NFKB1: variants seen among roughly 807,000 people sequenced by gnomAD.
NFKB1 encodes nuclear factor kappa B subunit 1, also known as nuclear factor NF-kappa-B p105 subunit.
Under a neutral mutation model 105.1 loss-of-function variants are expected in NFKB1, and 9 were observed. The ratio of observed to expected loss-of-function variants is 0.09; its 90% CI spans 0.05 to 0.15. The LOEUF is 0.15. Ranked by LOEUF, NFKB1 falls within the 10% of genes least tolerant of loss-of-function variation. NFKB1 has a pLI of 1.00. For missense variants in NFKB1, 830 were observed against 1,203.7 expected, an observed-to-expected ratio of 0.69 and a Z score of 4.59; for synonymous variants, 440 against 442.2, an observed-to-expected ratio of 1.00 and a Z score of 0.06.
In NFKB1 at chr4:102,564,577, T is replaced by G. The variant is rs554857257; in HGVS notation, c.259-2410T>G. Among the ~76,000 whole-genome samples, 3 of 152,318 alleles carry G rather than the reference T, an allele frequency of 2.0e-5. No homozygotes were observed. In the South Asian group the frequency reaches 6.2e-4, roughly 32 times the overall value. On this transcript the variant is annotated intron_variant, in intron 5 of 23. Coordinates refer to ENST00000226574, the MANE Select transcript of NFKB1 (RefSeq NM_003998.4). Reference sequence around the variant, plus strand: ...GTCACTGGCAGCATGTTCAGCTCCTTTACCTCAGGAATTACCCAGTTCCTC... The same window carrying G: ...GTCACTGGCAGCATGTTCAGCTCCTGTACCTCAGGAATTACCCAGTTCCTC...
intron 5 of NFKB1, among the ~76,000 whole-genome samples, chr4:102,564,440 G>A (rs1287266721): frequency 6.6e-6 from 1 of 152,076 alleles, no homozygotes; most frequent in East Asian, 1.9e-4. Flanking sequence ...TCAGTATTTT[G>A]GAAAGTCCAC....
intron 3 of NFKB1, among the ~76,000 whole-genome samples, chr4:102,530,907 A>AC (rs1344237424): frequency 7.2e-5 from 11 of 152,100 alleles, no homozygotes; most frequent in Admixed American, 7.2e-4. Context: ...TTCTGTCTTT[A>AC]CCCCTACAAA....
At position 102,606,706 on chromosome 4, in the gene NFKB1, C is replaced by G; in HGVS notation, c.1954+9C>G. ...CCACCCCAACGGGGACGGTAAGAGA[C>G]AATCACACATCATTGGTGTAACTTT... On this transcript the variant is annotated intron_variant, in intron 17 of 23. Transcript: ENST00000226574. 1 of 1,611,316 alleles carries G rather than the reference C, an allele frequency of 6.2e-7. No individual in the cohort carries two copies. The highest frequency in any genetic ancestry group is 8.5e-7 in the Non-Finnish European group (1 of 1,178,010).
intron 1 of NFKB1, among the ~76,000 whole-genome samples, chr4:102,521,560 T>A (rs1740573761): frequency 6.6e-6 from 1 of 152,220 alleles, no homozygotes; most frequent in South Asian, 2.1e-4. Context: ...GTTTTATTTT[T>A]TAAAATGAAA....
intron 1 of NFKB1, among the ~76,000 whole-genome samples, chr4:102,510,059 T>C (rs1739678427): frequency 6.6e-6 from 1 of 152,162 alleles, no homozygotes; most frequent in Non-Finnish European, 1.5e-5. Context: ...TGAATGCCTT[T>C]GCTTATGCCC....
chr4:102,544,569 G>A (rs1235575858), intron 5 of NFKB1, among the ~76,000 whole-genome samples: 2 of 152,136 alleles, frequency 1.3e-5, no homozygotes, highest in Non-Finnish European at 2.9e-5. Flanking sequence ...CTCTAGACAA[G>A]CAGACAAAAC....
At chr4:102,534,310 C>T (rs553250528) in intron 4 of NFKB1, among the ~76,000 whole-genome samples, 8 of 152,312 alleles carry the variant, frequency 5.3e-5, no homozygotes, top group East Asian at 1.9e-4. Flanking sequence ...TTCCTCCTTC[C>T]TTTGGTAGCC....
In NFKB1 at chr4:102,596,141, C is replaced by G. The variant is rs56280473; in HGVS notation, c.1304C>G (p.Thr435Ser). The G allele has an allele frequency of 3.2e-6, 5 of 1,577,930 alleles. No individual in the cohort carries two copies. Among genetic ancestry groups the G allele is most frequent in the Non-Finnish European group, 4.3e-6 (5 of 1,158,100 alleles). Residue 435 changes from threonine (T) to serine (S), a missense_variant, in exon 14 of 24, where the codon ACC (threonine) becomes AGC (serine). This residue lies in a region of NFKB1 where 163 missense variants were observed against 164.3 expected (regional missense o/e 0.99). Coordinates refer to ENST00000226574, the MANE Select transcript of NFKB1 (RefSeq NM_003998.4). ...TKSNAGMKHG[T>S]MDTESKKDPE... ...GATGTTTTTGCATTTATCTTAGGAA[C>G]CATGGACACTGAATCTAAAAAGGAC...
At chr4:102,558,943 G>A (rs1423485571) in intron 5 of NFKB1, among the ~76,000 whole-genome samples, 1 of 152,196 alleles carries the variant, frequency 6.6e-6, no homozygotes, top group African/African-American at 2.4e-5. Flanking sequence ...AGGGATTAGG[G>A]GGTCAAAGTT....
At chr4:102,528,108 A>G (rs986626784) in intron 2 of NFKB1, among the ~76,000 whole-genome samples, 3 of 152,086 alleles carry the variant, frequency 2.0e-5, no homozygotes, top group Admixed American at 1.3e-4. Context: ...CTAATAAACA[A>G]TGCAAGCTGC....
At position 102,597,602 on chromosome 4, in the gene NFKB1, G is replaced by T. The variant is rs1726739979; in HGVS notation, c.1578G>T (p.Val526=). ...TCGACTACGCGGTGACAGGAGACGT[G>T]AAGATGCTGCTGGCCGTCCAGCGCC... ...ALFDYAVTGD[V]KMLLAVQRHL... is the part of the protein sequence containing the mutation. Residue 526 remains valine, a synonymous_variant, in exon 15 of 24, where the codon GTG becomes GTT. Transcript: ENST00000226574. 1 of 1,613,946 alleles carries T rather than the reference G, an allele frequency of 6.2e-7. No individual in the cohort carries two copies. The highest frequency in any genetic ancestry group is 8.5e-7 in the Non-Finnish European group (1 of 1,179,924).
At chr4:102,515,756 T>C (rs1740136832) in intron 1 of NFKB1, among the ~76,000 whole-genome samples, 1 of 152,226 alleles carries the variant, frequency 6.6e-6, no homozygotes, top group South Asian at 2.1e-4. Flanking sequence ...TTGTCTTGTT[T>C]TGCTGTGAAC....
intron 6 of NFKB1, among the ~76,000 whole-genome samples, chr4:102,575,381 C>T (rs1724732745): frequency 6.6e-6 from 1 of 152,120 alleles, no homozygotes; most frequent in Non-Finnish European, 1.5e-5. Context: ...CCTACCTTAG[C>T]TTGTTCATTC....
At chr4:102,615,550 C>T (rs1728872921) in intron 23 of NFKB1, among the ~76,000 whole-genome samples, 1 of 152,182 alleles carries the variant, frequency 6.6e-6, no homozygotes. Context: ...TGAGTCACAG[C>T]CCAGTGCTCC....
At position 102,594,021 on chromosome 4, in the gene NFKB1, A is replaced by G. The variant is rs547920595; in HGVS notation, c.1210+453A>G. Among the ~76,000 whole-genome samples, 4 of 152,332 alleles carry G rather than the reference A, an allele frequency of 2.6e-5. No homozygotes were observed. The South Asian group carries it at 8.3e-4, about 32-fold the overall frequency. ...CTACTACTATTTTTATGTATATGTT[A>G]TAGTATATATTTGTAAATTTTACCC... is the stretch of plus-strand genomic sequence containing the variant. On this transcript the variant is annotated intron_variant, in intron 12 of 23. Transcript: ENST00000226574.
intron 1 of NFKB1, among the ~76,000 whole-genome samples, chr4:102,524,403 T>G (rs1740765451): frequency 6.6e-6 from 1 of 152,092 alleles, no homozygotes; most frequent in African/African-American, 2.4e-5. Flanking sequence ...ATTACAGAGT[T>G]TCTGTACCAG....
At chr4:102,605,607 C>T (rs1056483756) in intron 16 of NFKB1, among the ~76,000 whole-genome samples, 5 of 152,216 alleles carry the variant, frequency 3.3e-5, no homozygotes, top group Non-Finnish European at 5.9e-5. Flanking sequence ...TTTGAAAACA[C>T]ACAGTTTGCA....
intron 6 of NFKB1, among the ~76,000 whole-genome samples, chr4:102,575,638 A>G (rs1309861209): frequency 1.3e-5 from 2 of 152,112 alleles, no homozygotes; most frequent in South Asian, 4.2e-4. Context: ...TGCCACATTC[A>G]TCATTCATAT....
intron 5 of NFKB1, among the ~76,000 whole-genome samples, chr4:102,544,911 A>G (rs2149135802): frequency 6.6e-6 from 1 of 151,796 alleles, no homozygotes; most frequent in South Asian, 2.1e-4. Flanking sequence ...GGCCATTCCC[A>G]TTTTTCTGCC....
Sources: allele counts gnomAD v4.1 joint callset (sites outside exome capture counted in the v4.1 genomes callset), GRCh38; gene constraint gnomAD v4.1.1; regional missense constraint gnomAD v4.1.1; transcripts MANE v1.5; gene names NCBI Gene and HGNC (gene_info 2026-07-23, HGNC 2026-07-21).